The following RAPGEF4 variants were observed in gnomAD, a reference collection of about 807,000 sequenced individuals.
The protein encoded by RAPGEF4 is RAP guanine-nucleotide-exchange factor (GEF) 4.
Under a neutral mutation model 147.9 loss-of-function variants are expected in RAPGEF4, and 66 were observed. The observed-to-expected ratio is 0.45, with a 90% confidence interval of 0.37 to 0.55. The LOEUF is 0.55. Among genes scored for constraint, RAPGEF4 ranks in the 20% least tolerant of loss-of-function variants. The pLI, the probability that RAPGEF4 is intolerant of heterozygous loss-of-function variation, is 0.00. For missense variants in RAPGEF4, 1,071 were observed against 1,257.3 expected (o/e 0.85, Z 2.24); for synonymous variants, 419 against 442.7 (o/e 0.95, Z 0.67).
chr2:172,900,155 T>G (rs747712340), intron 4 of RAPGEF4, among the ~76,000 whole-genome samples: 1 of 152,232 alleles, frequency 6.6e-6, no homozygotes, highest in Non-Finnish European at 1.5e-5. Flanking sequence ...GGAAGACAGA[T>G]GGACAGAATA....
At chr2:173,033,459 C>T (rs923501404) in intron 26 of RAPGEF4, among the ~76,000 whole-genome samples, 2 of 152,024 alleles carry the variant, frequency 1.3e-5, no homozygotes, top group African/African-American at 4.8e-5. Flanking sequence ...AATAAAAATT[C>T]TTATTCTCAT....
intron 9 of RAPGEF4, among the ~76,000 whole-genome samples, chr2:172,966,584 T>A (rs1359000028): frequency 6.6e-6 from 1 of 152,170 alleles, no homozygotes; most frequent in East Asian, 1.9e-4. Flanking sequence ...CTGTAAGACA[T>A]GTACATGAGG....
At chr2:172,894,539 G>A (rs1238461341) in intron 4 of RAPGEF4, among the ~76,000 whole-genome samples, 1 of 152,136 alleles carries the variant, frequency 6.6e-6, no homozygotes, top group Non-Finnish European at 1.5e-5. Flanking sequence ...GGAGAGAGTA[G>A]AAGAATTATT....
At chr2:172,949,909 T>G (rs188296855) in intron 6 of RAPGEF4, among the ~76,000 whole-genome samples, 27 of 152,244 alleles carry the variant, frequency 1.8e-4, no homozygotes, top group African/African-American at 6.0e-4. Flanking sequence ...GTATCTACTG[T>G]ATGCCCAATG....
chr2:173,018,853 C>T (rs904904023), intron 22 of RAPGEF4, 51 bp downstream of exon 22: 20 of 1,584,668 alleles, frequency 1.3e-5, no homozygotes, highest in Non-Finnish European at 1.5e-5. Flanking sequence ...ACATTCCATC[C>T]AAGCAGAAAC....
intron 23 of RAPGEF4, among the ~76,000 whole-genome samples, chr2:173,025,512 G>A (rs961850835): frequency 3.3e-5 from 5 of 152,040 alleles, no homozygotes; most frequent in African/African-American, 7.2e-5. Flanking sequence ...GCACGATCTC[G>A]GCTCACTGCA....
intron 6 of RAPGEF4, among the ~76,000 whole-genome samples, chr2:172,937,037 C>CAAA (rs34104170): frequency 0.037 from 1,932 of 52,252 alleles, 285 homozygotes; most frequent in Middle Eastern, 0.079. Context: ...CCTCTCTCTG[C>CAAA]AAAAAAAAAA....
intron 6 of RAPGEF4, among the ~76,000 whole-genome samples, chr2:172,929,031 A>C (rs1442486072): frequency 6.6e-6 from 1 of 152,186 alleles, no homozygotes; most frequent in Admixed American, 6.5e-5. Flanking sequence ...TTTCTCCTGT[A>C]CTGAAGGCAA....
chr2:173,046,005 A>G (rs1685421051), intron 29 of RAPGEF4, among the ~76,000 whole-genome samples: 1 of 152,218 alleles, frequency 6.6e-6, no homozygotes, highest in African/African-American at 2.4e-5. Flanking sequence ...TGGCCTTGTG[A>G]AAGCATTTGT....
At chr2:172,762,254 T>G (rs1696419583) in intron 1 of RAPGEF4, among the ~76,000 whole-genome samples, 1 of 152,210 alleles carries the variant, frequency 6.6e-6, no homozygotes, top group African/African-American at 2.4e-5. Flanking sequence ...CATGTACAGC[T>G]CCTTCTGCTT....
At chr2:173,031,156 A>G (rs917667525) in intron 26 of RAPGEF4, among the ~76,000 whole-genome samples, 1 of 152,008 alleles carries the variant, frequency 6.6e-6, no homozygotes, top group African/African-American at 2.4e-5. Context: ...TCTTGCAATG[A>G]TTTTCTTTTT....
chr2:173,027,447 GATAA>G (rs139920460), intron 25 of RAPGEF4, among the ~76,000 whole-genome samples, 188 bp downstream of exon 25: 2,514 of 152,328 alleles, frequency 0.017, 75 homozygotes, highest in African/African-American at 0.057. Flanking sequence ...AACATCAATA[GATAA>G]ATTAACTTCT....
chr2:172,869,809 A>C (rs2149805396), intron 4 of RAPGEF4, among the ~76,000 whole-genome samples: 1 of 152,330 alleles, frequency 6.6e-6, no homozygotes, highest in African/African-American at 2.4e-5. Context: ...GTCATATCTA[A>C]AAGGAAGTCC....
chr2:173,023,381 C>G (rs1261220210), intron 23 of RAPGEF4, among the ~76,000 whole-genome samples: 1 of 152,200 alleles, frequency 6.6e-6, no homozygotes, highest in East Asian at 1.9e-4. Context: ...GCGATGCAGG[C>G]TCCACATAAG....
At chr2:172,976,576 A>G (rs1691095664) in intron 10 of RAPGEF4, among the ~76,000 whole-genome samples, 1 of 152,214 alleles carries the variant, frequency 6.6e-6, no homozygotes, top group Admixed American at 6.5e-5. Flanking sequence ...GAAACCTCGA[A>G]GCTTGACCAT....
chr2:172,827,543 C>A (rs1398240193), intron 4 of RAPGEF4, among the ~76,000 whole-genome samples: 1 of 152,032 alleles, frequency 6.6e-6, no homozygotes, highest in Non-Finnish European at 1.5e-5. Flanking sequence ...CTTCTCTGTC[C>A]TCAAGCCTCA....
At chr2:172,921,128 T>G (rs1403012161) in intron 5 of RAPGEF4, among the ~76,000 whole-genome samples, 4 of 152,108 alleles carry the variant, frequency 2.6e-5, no homozygotes, top group African/African-American at 9.7e-5. Flanking sequence ...GTTTTGTTTT[T>G]TTTTTAGTCA....
intron 6 of RAPGEF4, among the ~76,000 whole-genome samples, chr2:172,932,852 CTT>C (rs1686135622): frequency 1.3e-5 from 2 of 152,096 alleles, no homozygotes; most frequent in Admixed American, 1.3e-4. Flanking sequence ...TTTAAAATCT[CTT>C]GTGACCATGG....
chr2:172,980,461 T>C (rs920234797), intron 10 of RAPGEF4, among the ~76,000 whole-genome samples: 1 of 151,790 alleles, frequency 6.6e-6, no homozygotes, highest in South Asian at 2.1e-4. Context: ...ATACAAGGGA[T>C]GGACAAAAGA....
Sources: allele counts gnomAD v4.1 joint callset (sites outside exome capture counted in the v4.1 genomes callset), GRCh38; gene constraint gnomAD v4.1.1; transcripts MANE v1.5; gene names NCBI Gene and HGNC (gene_info 2026-07-23, HGNC 2026-07-21).